The following POLR2F variants were observed in gnomAD, a reference collection of about 807,000 sequenced individuals.
POLR2F encodes RNA polymerase II, I and III subunit F, also known as DNA-directed RNA polymerases I, II, and III subunit RPABC2.
Under a neutral mutation model 22.7 loss-of-function variants are expected in POLR2F, and 12 were observed. The observed-to-expected ratio is 0.53, with a 90% CI of 0.34 to 0.86. The LOEUF (loss-of-function observed/expected upper bound fraction) is 0.86, where lower values mean the gene tolerates loss of function less well. Among genes scored for constraint, POLR2F ranks in the 40% least tolerant of loss-of-function variants. The probability of loss-of-function intolerance (pLI) is 0.02; values close to 1 mark genes in which losing one functional copy is unlikely to be tolerated. For synonymous variants in POLR2F, 57 were observed against 66.0 expected, an observed-to-expected ratio of 0.86 and a Z score of 0.66; for missense variants, 126 against 171.5, an observed-to-expected ratio of 0.73 and a Z score of 1.48.
chr22:38,030,448 C>T (rs1223705493), downstream of POLR2F, among the ~76,000 whole-genome samples: 1 of 148,380 alleles, frequency 6.7e-6, no homozygotes, highest in Non-Finnish European at 1.5e-5. Context: ...GAGACTTTCA[C>T]AGTTGGCTCT....
At chr22:37,974,301 CT>C, downstream of POLR2F, 1 of 864,236 alleles carries the variant, frequency 1.2e-6, no homozygotes, top group Non-Finnish European at 1.8e-6. This position sits in a 1 kb window ranked among gnomAD's most constrained non-coding sequence, Gnocchi z 5.4. Flanking sequence ...CAGCGGGTGC[CT>C]CTGGGAAAAC....
At chr22:37,973,227 G>GT, downstream of POLR2F, 1 of 446,044 alleles carries the variant, frequency 2.2e-6, no homozygotes, top group Non-Finnish European at 4.0e-6. Context: ...CTGGGGGAAG[G>GT]TGCAGCCCCT....
chr22:38,035,400 G>A lies in POLR2F; in HGVS notation c.453-5668G>A, dbSNP rs143452361. Among the ~76,000 whole-genome samples the A allele has an allele frequency of 7.1e-3, 1,076 of 152,324 alleles. 9 individuals are homozygous for A. Among genetic ancestry groups the A allele is most frequent in the Non-Finnish European group, 0.011 (754 of 68,024 alleles). On this transcript the variant is annotated intron_variant, in intron 5 of 5. Coordinates refer to the POLR2F transcript ENST00000407936. ...ATGCTGAGGCCTAACAGGCCAAGGG[G>A]CTGCTGCCCAACGGTCTAGAGCAAG... is the stretch of plus-strand genomic sequence containing the variant.
At chr22:38,005,422 G>A (rs1446951798) in intron 1 of POLR2F, among the ~76,000 whole-genome samples, 3 of 152,202 alleles carry the variant, frequency 2.0e-5, no homozygotes, top group African/African-American at 7.2e-5. Context: ...CACCTCGAAT[G>A]CCAGATTTAA....
chr22:38,019,624 C>G (rs1438708898), intron 1 of POLR2F, among the ~76,000 whole-genome samples: 1 of 152,214 alleles, frequency 6.6e-6, no homozygotes, highest in Non-Finnish European at 1.5e-5. Context: ...GGTGGGGGGG[C>G]ACCAGGAAAA....
intron 1 of POLR2F, among the ~76,000 whole-genome samples, chr22:38,015,306 G>A (rs1461726026): frequency 6.6e-6 from 1 of 152,218 alleles, no homozygotes; most frequent in Non-Finnish European, 1.5e-5. Context: ...ATGGTTTGTG[G>A]GGAGCAGACA....
chr22:38,006,621 G>A (rs1021783122), intron 1 of POLR2F, among the ~76,000 whole-genome samples: 7 of 152,184 alleles, frequency 4.6e-5, no homozygotes, highest in Non-Finnish European at 8.8e-5. Context: ...GGGGAGGAGC[G>A]GGCAAGGGGA....
intron 4 of POLR2F, chr22:37,977,827 C>T (rs767051480): frequency 3.8e-6 from 6 of 1,585,882 alleles, no homozygotes; most frequent in Admixed American, 1.7e-5. Flanking sequence ...TCTCCACTGA[C>T]TGGCCTTGCC....
chr22:38,004,174 G>A (rs1429397708), intron 1 of POLR2F, among the ~76,000 whole-genome samples: 1 of 68,860 alleles, frequency 1.5e-5, no homozygotes, highest in African/African-American at 1.0e-4. Context: ...CTTTTGTAGA[G>A]ATGTGGGGGG....
chr22:38,027,870 C>G (rs1236329581), downstream of POLR2F, among the ~76,000 whole-genome samples: 4 of 152,182 alleles, frequency 2.6e-5, no homozygotes, highest in Non-Finnish European at 4.4e-5. Context: ...TGAGCCCTTA[C>G]TGCATGCCAC....
intron 1 of POLR2F, among the ~76,000 whole-genome samples, chr22:38,024,265 C>G (rs907009615): frequency 6.6e-6 from 1 of 152,044 alleles, no homozygotes; most frequent in South Asian, 2.1e-4. Flanking sequence ...TATCTTGTGG[C>G]GTGTGTCAGA....
intron 3 of POLR2F, among the ~76,000 whole-genome samples, chr22:37,961,033 T>C (rs1029786555): frequency 6.6e-6 from 1 of 151,158 alleles, no homozygotes; most frequent in African/African-American, 2.4e-5. Flanking sequence ...GTATTTTTAG[T>C]GGAGATGGGG....
intron 3 of POLR2F, among the ~76,000 whole-genome samples, chr22:37,961,794 CG>C (rs1276633028): frequency 6.7e-6 from 1 of 149,770 alleles, no homozygotes; most frequent in African/African-American, 2.5e-5. Flanking sequence ...GGGGACAGAG[CG>C]GGGTACTCTA....
intron 3 of POLR2F, among the ~76,000 whole-genome samples, chr22:37,961,558 G>A (rs981989004): frequency 1.3e-5 from 2 of 152,174 alleles, no homozygotes; most frequent in Admixed American, 6.5e-5. Context: ...GTGGAGATGC[G>A]AGTGTCCAAT....
chr22:38,039,380 C>T (rs539021877), intron 5 of POLR2F, among the ~76,000 whole-genome samples: 2 of 152,228 alleles, frequency 1.3e-5, no homozygotes, highest in East Asian at 3.8e-4. Context: ...CCCCTCACAG[C>T]CCTGCAAGGT....
downstream of POLR2F, chr22:37,971,205 A>C (rs1158662792): frequency 2.1e-6 from 1 of 470,210 alleles, no homozygotes; most frequent in African/African-American, 2.0e-5. Flanking sequence ...GGAGGGGATG[A>C]TGGTTAAAAA....
chr22:38,017,045 C>T lies in POLR2F; in HGVS notation c.121-8824C>T, dbSNP rs907954173. ...CTCTGCTGCCTGGCACCAGGTCCCC[C>T]CACCACTCTCCAGCCCTCCTGAGGC... is the stretch of plus-strand genomic sequence containing the variant. On this transcript the variant is annotated intron_variant, in intron 1 of 2. Transcript: ENST00000333418. The surrounding 1 kb of genome is among the most constrained non-coding windows in gnomAD (Gnocchi z 4.1). Among the ~76,000 whole-genome samples, 7 of 152,184 alleles carry T rather than the reference C, an allele frequency of 4.6e-5. No individual in the cohort carries two copies. Among genetic ancestry groups the T allele is most frequent in the Non-Finnish European group, 1.0e-4 (7 of 68,020 alleles).
chr22:38,038,099 G>C (rs533371220), intron 5 of POLR2F, among the ~76,000 whole-genome samples: 2 of 151,872 alleles, frequency 1.3e-5, no homozygotes, highest in Admixed American at 6.6e-5. Flanking sequence ...GCCAGTGTTG[G>C]GGGGTAGAAG....
upstream of POLR2F, among the ~76,000 whole-genome samples, chr22:37,985,777 C>G (rs775704044): frequency 6.8e-6 from 1 of 148,132 alleles, no homozygotes; most frequent in Non-Finnish European, 1.5e-5. Flanking sequence ...GGTAGTCACA[C>G]GAGGCAGAGG....
Sources: allele counts gnomAD v4.1 joint callset (sites outside exome capture counted in the v4.1 genomes callset), GRCh38; gene constraint gnomAD v4.1.1; non-coding constraint Gnocchi (gnomAD v3.1); transcripts MANE v1.5; gene names NCBI Gene and HGNC (gene_info 2026-07-23, HGNC 2026-07-21).